Variants in ZBTB45 observed in about 807,000 individuals in gnomAD.
ZBTB45 encodes zinc finger and BTB domain containing 45.
Under a neutral mutation model 28.4 loss-of-function variants are expected in ZBTB45, and 22 were observed. The ratio of observed to expected loss-of-function variants is 0.77; its 90% CI spans 0.55 to 1.10. The LOEUF (loss-of-function observed/expected upper bound fraction) is 1.10. Among genes scored for constraint, ZBTB45 ranks in the 50% least tolerant of loss-of-function variants. The probability of loss-of-function intolerance (pLI) is 0.00; values close to 1 mark genes in which losing one functional copy is unlikely to be tolerated. For synonymous variants in ZBTB45, 361 were observed against 332.3 expected (o/e 1.09, Z -0.94); for missense variants, 656 against 750.2 (o/e 0.87, Z 1.47).
chr19:58,522,883 A>G (rs914956132), upstream of ZBTB45, among the ~76,000 whole-genome samples: 1 of 151,994 alleles, frequency 6.6e-6, no homozygotes, highest in Non-Finnish European at 1.5e-5. Flanking sequence ...TGAGGGGGGG[A>G]AGCCATGTCC....
Position 58,525,159 on chromosome 19 carries a change from C to T in ZBTB45, c.1-7486G>A, listed in dbSNP as rs565738681. ...AGTCAGGATCCCAACCTCCCTCCACCCTCCATCACTTCCCGGCCAGCCTTT... is the reference window on the plus strand; with the variant it reads ...AGTCAGGATCCCAACCTCCCTCCACTCTCCATCACTTCCCGGCCAGCCTTT... On this transcript the variant is annotated intron_variant, in intron 1 of 1. Coordinates refer to the ZBTB45 transcript ENST00000600130. Among the ~76,000 whole-genome samples the T allele has an allele frequency of 4.5e-4, 69 of 152,126 alleles. 2 individuals carry two copies. The highest frequency in any genetic ancestry group is 1.9e-4 in the Non-Finnish European group (13 of 68,006).
chr19:58,525,367 C>T (rs2053602070), intron 1 of ZBTB45, among the ~76,000 whole-genome samples: 1 of 152,166 alleles, frequency 6.6e-6, no homozygotes, highest in Non-Finnish European at 1.5e-5. Flanking sequence ...AAGCATATAC[C>T]TGCAGAAATG....
intron 1 of ZBTB45, among the ~76,000 whole-genome samples, chr19:58,529,134 A>G (rs886433757): frequency 2.7e-5 from 4 of 150,086 alleles, no homozygotes; most frequent in African/African-American, 1.0e-4. Context: ...AACCTCATAA[A>G]GCATCTTTTG....
intron 1 of ZBTB45, among the ~76,000 whole-genome samples, chr19:58,527,201 C>T (rs554760382): frequency 5.3e-5 from 8 of 152,262 alleles, no homozygotes; most frequent in South Asian, 4.1e-4. Flanking sequence ...TGCCCTGGAG[C>T]GAGGAATTCC....
Position 58,517,146 on chromosome 19 carries a change from G to T in ZBTB45, c.528C>A (p.Pro176=). ...GAAHSRKQRQ[P]ARLQLPAPPT... is the part of the protein sequence containing the mutation. ...GGGGCGCTGGCAGCTGCAAACGCGC[G>T]GGCTGGCGCTGCTTACGGCTGTGTG... The change falls in exon 2 of 3, where the codon CCC becomes CCA. Residue 176 remains proline (P), a synonymous_variant. Transcript: ENST00000594051. The T allele has an allele frequency of 6.2e-7, 1 of 1,612,140 alleles. No homozygotes were observed. Among genetic ancestry groups the T allele is most frequent in the Non-Finnish European group, 8.5e-7 (1 of 1,179,570 alleles).
rs907966428 is a variant in ZBTB45 at position 58,513,979 on chromosome 19, G to C, written c.*75C>G. Reference sequence around the variant, plus strand: ...AGCGTGGTCTAGTGGCGGGAACCACGGGTCCCGCAGCGGGCGTGGCCGACT... The same window carrying C: ...AGCGTGGTCTAGTGGCGGGAACCACCGGTCCCGCAGCGGGCGTGGCCGACT... On this transcript the variant is annotated 3_prime_UTR_variant, in exon 3 of 3. Transcript: ENST00000594051. 3.7e-6 allele frequency: 5 copies of C among 1,343,434 alleles called. No individual in the cohort carries two copies. The highest frequency in any genetic ancestry group is 4.8e-6 in the Non-Finnish European group (5 of 1,052,078). 83.2% of individuals were successfully genotyped at this position (1,343,434 alleles called of 1,614,324 possible). A position where few individuals can be genotyped will look rare whatever the true frequency, so the allele number is the denominator to read the frequency against.
intron 2 of ZBTB45, among the ~76,000 whole-genome samples, chr19:58,514,727 C>G (rs2053468273): frequency 1.3e-5 from 2 of 152,136 alleles, no homozygotes; most frequent in Non-Finnish European, 2.9e-5. Flanking sequence ...CCACTGGGAT[C>G]TCCCTCTACC....
upstream of ZBTB45, among the ~76,000 whole-genome samples, chr19:58,521,560 C>T (rs1280416560): frequency 6.6e-6 from 1 of 152,016 alleles, no homozygotes; most frequent in Non-Finnish European, 1.5e-5. Context: ...ACTTGGGCTT[C>T]TGACCTATGG....
chr19:58,520,124 A>G (rs1401074222), upstream of ZBTB45: 1 of 152,166 alleles, frequency 6.6e-6, no homozygotes, highest in Non-Finnish European at 1.5e-5. Context: ...TGTTCTGGCC[A>G]GTTTAAACCC....
intron 1 of ZBTB45, among the ~76,000 whole-genome samples, chr19:58,534,494 A>G (rs1340040466): frequency 6.6e-6 from 1 of 151,738 alleles, no homozygotes; most frequent in African/African-American, 2.4e-5. Flanking sequence ...GGTTCAAGCA[A>G]TTCTCCTGCC....
chr19:58,527,217 C>CCA (rs1283898924), intron 1 of ZBTB45, among the ~76,000 whole-genome samples: 1 of 152,194 alleles, frequency 6.6e-6, no homozygotes, highest in Non-Finnish European at 1.5e-5. Context: ...ATTCCACCAC[C>CCA]CACAGTAGGT....
At chr19:58,523,708 T>C (rs1371830194), upstream of ZBTB45, among the ~76,000 whole-genome samples, 1 of 141,298 alleles carries the variant, frequency 7.1e-6, no homozygotes, top group Non-Finnish European at 1.6e-5. Context: ...TCTCACTCTG[T>C]CGCCCAGGCT....
chr19:58,531,559 T>C (rs891121420), intron 1 of ZBTB45, among the ~76,000 whole-genome samples: 4 of 152,220 alleles, frequency 2.6e-5, no homozygotes, highest in Non-Finnish European at 5.9e-5. Flanking sequence ...TAATTATCAG[T>C]GGGCATTCTT....
rs867719188 is a variant in ZBTB45, at chr19:58,515,339, C to T, written c.1280-1029G>A. ...TCAAAAAAAATTAAAAAAAAAAAAA[C>T]CCTATCTCAGTGGCAGTGGACTGAA... On this transcript the variant is annotated intron_variant, in intron 2 of 2. Transcript: ENST00000594051. The surrounding 1 kb of genome is among the most constrained non-coding windows in gnomAD (Gnocchi z 4.7). 2.7e-4 allele frequency among the ~76,000 whole-genome samples: 36 copies of T among 131,786 alleles called. No individual in the cohort carries two copies. The highest frequency in any genetic ancestry group is 2.5e-4 in the South Asian group (1 of 4,010). The allele number at this position is 131,786 out of a possible 152,430, so 86.5% of individuals were successfully genotyped here. A position where few individuals can be genotyped will look rare whatever the true frequency, so the allele number is the denominator to read the frequency against.
intron 1 of ZBTB45, among the ~76,000 whole-genome samples, chr19:58,529,343 A>C (rs1278521298): frequency 6.6e-6 from 1 of 152,310 alleles, no homozygotes; most frequent in East Asian, 1.9e-4. Flanking sequence ...CTGGAGGCTG[A>C]GATGGCAGCC....
At chr19:58,528,942 G>A (rs1250924768) in intron 1 of ZBTB45, among the ~76,000 whole-genome samples, 1 of 152,008 alleles carries the variant, frequency 6.6e-6, no homozygotes, top group African/African-American at 2.4e-5. Flanking sequence ...AAATTAGCCA[G>A]GTGTGGTGGC....
rs1205983666 is a variant in ZBTB45 at position 58,515,217 on chromosome 19, G to A, written c.1280-907C>T. Among the ~76,000 whole-genome samples the A allele has an allele frequency of 1.3e-5, 2 of 151,934 alleles. No homozygotes were observed. The highest frequency in any genetic ancestry group is 1.3e-4 in the Admixed American group (2 of 15,244). On this transcript the variant is annotated intron_variant, in intron 2 of 2. Coordinates refer to ENST00000594051, the MANE Select transcript of ZBTB45 (RefSeq NM_001316979.2). The surrounding 1 kb of genome is among the most constrained non-coding windows in gnomAD (Gnocchi z 4.7). ...TGTAATCCCAGCTACTTGGGAGACT[G>A]AGGCACAAGAATCACTTGAACCCAG...
chr19:58,532,762 G>T (rs1411389418), intron 1 of ZBTB45, among the ~76,000 whole-genome samples: 1 of 152,056 alleles, frequency 6.6e-6, no homozygotes, highest in Non-Finnish European at 1.5e-5. Context: ...TGGGCAGTCT[G>T]GTCTCAGACT....
At chr19:58,533,791 A>T (rs554159838) in intron 1 of ZBTB45, among the ~76,000 whole-genome samples, 1 of 152,312 alleles carries the variant, frequency 6.6e-6, no homozygotes, top group East Asian at 1.9e-4. Flanking sequence ...AGAAACACCC[A>T]GCCAAAAGCC....
Sources: gnomAD v4.1 joint callset for allele counts (sites outside exome capture counted in the v4.1 genomes callset) on GRCh38, gnomAD v4.1.1 for gene constraint, Gnocchi (gnomAD v3.1) non-coding constraint, MANE v1.5 for transcripts, NCBI Gene and HGNC (gene_info 2026-07-23, HGNC 2026-07-21) for gene names.